Variants in PPFIBP2 observed in about 807,000 individuals in gnomAD.
The protein encoded by PPFIBP2 is PPFIB scaffold protein 2.
A neutral mutation model predicts 118.3 loss-of-function variants in PPFIBP2; 118 were observed. The ratio of observed to expected loss-of-function variants is 1.00; its 90% CI spans 0.86 to 1.16. The LOEUF is 1.16. Ranked by LOEUF, PPFIBP2 falls within the 50% of genes most tolerant of loss-of-function variation. PPFIBP2 has a pLI of 0.00. For synonymous variants in PPFIBP2, 414 were observed against 397.4 expected (o/e 1.04, Z -0.50); for missense variants, 1,195 against 1,073.1 (o/e 1.11, Z -1.59).
intron 5 of PPFIBP2, chr11:7,605,663 A>T (rs1847251313): frequency 2.4e-6 from 3 of 1,250,752 alleles, no homozygotes; most frequent in Non-Finnish European, 3.0e-6. Context: ...TACAGAGTTG[A>T]TAAGGAGAAC....
intron 1 of PPFIBP2, chr11:7,539,342 G>A (rs1851537239): frequency 6.6e-6 from 1 of 152,382 alleles, no homozygotes; most frequent in African/African-American, 2.4e-5. Flanking sequence ...CAGTGTCTGT[G>A]GGCTCTGCCA....
the PPFIBP2 span, chr11:7,666,665 C>T: frequency 1.2e-5 from 8 of 645,000 alleles, no homozygotes; most frequent in East Asian, 2.9e-5. Flanking sequence ...AGCTGGAGTG[C>T]TCGCTGCCAA....
chr11:7,528,293 A>T lies in PPFIBP2; in HGVS notation c.-37+14172A>T, dbSNP rs2134315969. ...TTCTAATACATATATATGCATGCAT[A>T]CACATATATATTTAGGAAGTTAATC... On this transcript the variant is annotated intron_variant, in intron 1 of 23. Coordinates refer to ENST00000299492, the MANE Select transcript of PPFIBP2 (RefSeq NM_003621.5). Among the ~76,000 whole-genome samples the T allele has an allele frequency of 2.0e-5, 3 of 152,344 alleles. No homozygotes were observed. The Middle Eastern group carries it at 0.01, about 518-fold the overall frequency.
At chr11:7,661,493 T>C (rs1433578333), downstream of PPFIBP2, among the ~76,000 whole-genome samples, 2 of 149,972 alleles carry the variant, frequency 1.3e-5, no homozygotes, top group East Asian at 1.9e-4. Context: ...TCTAGTTTGA[T>C]TGCACTGTGG....
intron 3 of PPFIBP2, among the ~76,000 whole-genome samples, chr11:7,573,593 C>T (rs1855911005): frequency 6.6e-6 from 1 of 152,186 alleles, no homozygotes. Flanking sequence ...AAAAGTCTGC[C>T]GACCTTTGTA....
chr11:7,635,861 TC>T (rs1407639425), intron 14 of PPFIBP2, among the ~76,000 whole-genome samples: 1 of 152,192 alleles, frequency 6.6e-6, no homozygotes, highest in Admixed American at 6.5e-5. Context: ...AACAAAGTAA[TC>T]TAGATTTAAT....
intron 3 of PPFIBP2, chr11:7,571,805 T>C (rs6578875): frequency 0.33 from 50,604 of 152,086 alleles, 9,590 homozygotes; most frequent in African/African-American, 0.52. Context: ...TCAGGTGGCA[T>C]CAGTGGTGGT....
intron 1 of PPFIBP2, among the ~76,000 whole-genome samples, chr11:7,526,594 G>A (rs759120752): frequency 1.5e-4 from 23 of 152,276 alleles, no homozygotes; most frequent in Non-Finnish European, 2.5e-4. Context: ...AGAAGCGGCC[G>A]GGTGCGGTGG....
At chr11:7,622,239 T>G (rs1052248428) in intron 7 of PPFIBP2, among the ~76,000 whole-genome samples, 3 of 152,094 alleles carry the variant, frequency 2.0e-5, no homozygotes, top group Admixed American at 6.5e-5. Flanking sequence ...CCACAAACTT[T>G]TAAACCACCA....
intron 3 of PPFIBP2, among the ~76,000 whole-genome samples, chr11:7,568,198 A>G (rs925280797): frequency 6.6e-6 from 1 of 152,234 alleles, no homozygotes; most frequent in Non-Finnish European, 1.5e-5. Context: ...TTCCAGTAAA[A>G]TGATGTAAAC....
At chr11:7,641,399 G>A (rs897927638) in intron 15 of PPFIBP2, 80 bp from the exon 16 acceptor site, 3 of 1,491,580 alleles carry the variant, frequency 2.0e-6, no homozygotes, top group Non-Finnish European at 2.8e-6. Flanking sequence ...CCCACTGAAG[G>A]GGAGGGCCCA....
At chr11:7,572,443 A>T (rs73411123) in intron 3 of PPFIBP2, among the ~76,000 whole-genome samples, 8,907 of 152,294 alleles carry the variant, frequency 0.058, 837 homozygotes, top group African/African-American at 0.2. Context: ...GACCTGACCT[A>T]AAGAGACTAT....
At chr11:7,535,057 A>T (rs535713609) in intron 1 of PPFIBP2, among the ~76,000 whole-genome samples, 143 of 152,320 alleles carry the variant, frequency 9.4e-4, no homozygotes, top group African/African-American at 3.2e-3. Context: ...TGAGCTGCAC[A>T]TGCTCAGTTC....
intron 5 of PPFIBP2, among the ~76,000 whole-genome samples, chr11:7,604,078 G>C (rs1847022310): frequency 6.6e-6 from 1 of 152,172 alleles, no homozygotes; most frequent in South Asian, 2.1e-4. Flanking sequence ...CGAGGATGTG[G>C]GTGCTCCAGA....
intron 17 of PPFIBP2, chr11:7,648,048 G>A (rs1184233516): frequency 1.1e-5 from 2 of 183,560 alleles, no homozygotes; most frequent in African/African-American, 4.7e-5. Flanking sequence ...TCCGCCTAAT[G>A]AGGCCACAGC....
At chr11:7,641,366 G>T in intron 15 of PPFIBP2, 113 bp from the exon 16 acceptor site, 1 of 1,246,590 alleles carries the variant, frequency 8.0e-7, no homozygotes, top group Non-Finnish European at 1.1e-6. Context: ...CCTGAAGGCA[G>T]AACTGGGCAG....
At chr11:7,556,757 C>T (rs1396241731) in intron 2 of PPFIBP2, among the ~76,000 whole-genome samples, 1 of 152,172 alleles carries the variant, frequency 6.6e-6, no homozygotes, top group Non-Finnish European at 1.5e-5. Flanking sequence ...TTATCTTGTA[C>T]AGGCTTGTAG....
chr11:7,542,398 T>C (rs1010829600), intron 1 of PPFIBP2, among the ~76,000 whole-genome samples: 1 of 152,244 alleles, frequency 6.6e-6, no homozygotes, highest in Non-Finnish European at 1.5e-5. Context: ...TAATCTTTTT[T>C]ATTTCTTTTA....
intron 3 of PPFIBP2, among the ~76,000 whole-genome samples, chr11:7,567,822 G>A (rs1251796084): frequency 6.6e-6 from 1 of 152,126 alleles, no homozygotes; most frequent in Non-Finnish European, 1.5e-5. Context: ...TTATCCCCTC[G>A]TAGCTTGTGA....
Sources: gnomAD v4.1 joint callset for allele counts (sites outside exome capture counted in the v4.1 genomes callset) on GRCh38, gnomAD v4.1.1 for gene constraint, MANE v1.5 for transcripts, NCBI Gene and HGNC (gene_info 2026-07-23, HGNC 2026-07-21) for gene names.